Variants in COX10 observed in about 807,000 individuals in gnomAD.
COX10 encodes protoheme IX farnesyltransferase, mitochondrial.
In COX10, 27 loss-of-function variants were observed where a neutral mutation model predicts 37.3. That is an observed-to-expected ratio of 0.72 (90% CI 0.53 to 1.00). The LOEUF is 1.00. Among genes scored for constraint, COX10 ranks in the 50% least tolerant of loss-of-function variants. COX10 has a pLI of 0.00. For synonymous variants in COX10, 222 were observed against 229.1 expected (o/e 0.97, Z 0.28); for missense variants, 475 against 563.2 (o/e 0.84, Z 1.59).
At chr17:14,158,416 T>C (rs1905097839) in intron 4 of COX10, among the ~76,000 whole-genome samples, 1 of 151,272 alleles carries the variant, frequency 6.6e-6, no homozygotes. Flanking sequence ...CATATACTTC[T>C]TAGTAAATCA....
At chr17:14,152,683 C>G (rs1459502906) in intron 4 of COX10, among the ~76,000 whole-genome samples, 2 of 152,158 alleles carry the variant, frequency 1.3e-5, no homozygotes, top group African/African-American at 4.8e-5. Context: ...TCTGTGAGGA[C>G]CACCTAAAAC....
chr17:14,206,436 CT>C (rs1187769286), intron 6 of COX10, among the ~76,000 whole-genome samples: 1 of 152,040 alleles, frequency 6.6e-6, no homozygotes, highest in African/African-American at 2.4e-5. Context: ...TGTGTAGGGG[CT>C]TCTTTGCTCC....
chr17:14,103,847 A>G (rs1915836647), intron 4 of COX10, among the ~76,000 whole-genome samples: 1 of 152,176 alleles, frequency 6.6e-6, no homozygotes, highest in Non-Finnish European at 1.5e-5. Flanking sequence ...AGTCTGTAGA[A>G]GTATTTTTGC....
rs920282685 is a variant in COX10 at position 14,114,589 on chromosome 17, C to T, written c.624+12347C>T. ...TTACTACAAAGCCTCAAGTTGCCAG[C>T]GGGTGACATTAACACCGTAATCCTC... On this transcript the variant is annotated intron_variant, in intron 4 of 6. Transcript: ENST00000261643. Among the ~76,000 whole-genome samples the T allele has an allele frequency of 5.3e-5, 8 of 152,048 alleles. No homozygotes were observed. In the South Asian group the frequency reaches 1.0e-3, roughly 20 times the overall value.
intron 4 of COX10, among the ~76,000 whole-genome samples, chr17:14,116,896 C>A (rs980085268): frequency 9.2e-5 from 14 of 152,202 alleles, no homozygotes; most frequent in African/African-American, 3.4e-4. Context: ...CTCTTCTAAT[C>A]AAAACCTTGC....
chr17:14,152,546 G>C (rs1567602869), intron 4 of COX10, among the ~76,000 whole-genome samples: 1 of 152,160 alleles, frequency 6.6e-6, no homozygotes, highest in Non-Finnish European at 1.5e-5. Context: ...CTGATGTAGG[G>C]GTTAGACCTT....
At chr17:14,093,679 G>T (rs1915578727) in intron 3 of COX10, among the ~76,000 whole-genome samples, 1 of 152,142 alleles carries the variant, frequency 6.6e-6, no homozygotes. Flanking sequence ...CCCACCTCCA[G>T]TATGGGACTC....
intron 3 of COX10, among the ~76,000 whole-genome samples, chr17:14,080,154 A>G (rs1006830660): frequency 2.0e-5 from 3 of 151,842 alleles, no homozygotes; most frequent in African/African-American, 7.3e-5. Context: ...TGAAACAACA[A>G]ATTTGTTTCT....
At chr17:14,155,189 G>A (rs192911693) in intron 4 of COX10, among the ~76,000 whole-genome samples, 6 of 152,122 alleles carry the variant, frequency 3.9e-5, no homozygotes, top group East Asian at 3.9e-4. Flanking sequence ...AATCAGAGCC[G>A]ATTCTAAAGA....
At chr17:14,098,411 C>T (rs1228227652) in intron 3 of COX10, among the ~76,000 whole-genome samples, 3 of 152,058 alleles carry the variant, frequency 2.0e-5, no homozygotes, top group South Asian at 2.1e-4. Flanking sequence ...TTGTCACTGA[C>T]GCAATATGTG....
At chr17:14,157,689 A>T (rs1055613689) in intron 4 of COX10, among the ~76,000 whole-genome samples, 15 of 152,174 alleles carry the variant, frequency 9.9e-5, no homozygotes, top group African/African-American at 3.6e-4. Context: ...GGGTCTTCTC[A>T]TGCAGCCATG....
chr17:14,163,236 A>AATTTATTTATTT (rs56320518), intron 5 of COX10, among the ~76,000 whole-genome samples: 16,041 of 146,342 alleles, frequency 0.11, 1,160 homozygotes, highest in Middle Eastern at 0.16. Context: ...AAGACAGGAA[A>AATTTATTTATTT]ATTTATTTAT....
Position 14,207,318 on chromosome 17 carries a change from TA to T in COX10, c.*108del. On this transcript the variant is annotated 3_prime_UTR_variant, in exon 7 of 7. Coordinates refer to ENST00000261643, the MANE Select transcript of COX10 (RefSeq NM_001303.4). ...AATTGCTGGGTTTAGAACAAGATTA[TA>T]AACGAATTCGGTGCTCAGTGATCAC... 7.2e-7 allele frequency: 1 copy of T among 1,390,514 alleles called. No individual in the cohort carries two copies. Among genetic ancestry groups the T allele is most frequent in the Non-Finnish European group, 9.4e-7 (1 of 1,062,960 alleles). 86.1% of individuals were successfully genotyped at this position (1,390,514 alleles called of 1,614,324 possible).
intron 5 of COX10, among the ~76,000 whole-genome samples, chr17:14,161,816 T>C (rs1473285242): frequency 6.6e-6 from 1 of 152,178 alleles, no homozygotes. Context: ...CCTAGGGTCA[T>C]TGACATCCTA....
intron 4 of COX10, among the ~76,000 whole-genome samples, chr17:14,139,006 C>T (rs1016940972): frequency 1.3e-5 from 2 of 152,128 alleles, no homozygotes; most frequent in African/African-American, 2.4e-5. Context: ...GTCTGGGCCT[C>T]AGTTTCCTCA....
intron 3 of COX10, among the ~76,000 whole-genome samples, chr17:14,098,683 C>T (rs1374521968): frequency 6.6e-6 from 1 of 152,096 alleles, no homozygotes; most frequent in Admixed American, 6.6e-5. Context: ...ACTGTTCGTT[C>T]CCCATTGGCA....
chr17:14,111,046 T>G (rs1009529488), intron 4 of COX10, among the ~76,000 whole-genome samples: 6 of 152,112 alleles, frequency 3.9e-5, no homozygotes, highest in African/African-American at 1.4e-4. Flanking sequence ...TACCTATGCT[T>G]CTTTAACCCA....
chr17:14,113,921 A>G (rs1916057171), intron 4 of COX10, among the ~76,000 whole-genome samples: 2 of 152,152 alleles, frequency 1.3e-5, no homozygotes, highest in African/African-American at 2.4e-5. Context: ...GCATTTATCT[A>G]TTCCCATGTG....
intron 4 of COX10, among the ~76,000 whole-genome samples, chr17:14,126,922 T>C (rs1916354018): frequency 6.6e-6 from 1 of 150,974 alleles, no homozygotes. Flanking sequence ...CTAAATCTTA[T>C]TGATTTGGTC....
Sources: allele counts gnomAD v4.1 joint callset (sites outside exome capture counted in the v4.1 genomes callset), GRCh38; gene constraint gnomAD v4.1.1; transcripts MANE v1.5; gene names NCBI Gene and HGNC (gene_info 2026-07-23, HGNC 2026-07-21).